RBFOX1: variants seen among roughly 807,000 people sequenced by gnomAD.
RBFOX1 encodes the protein RNA binding protein fox-1 homolog 1.
Under a neutral mutation model 57.7 loss-of-function variants are expected in RBFOX1, and 8 were observed. That is an observed-to-expected ratio of 0.14 (90% CI 0.08 to 0.25). RBFOX1 has a LOEUF of 0.25. Among genes scored for constraint, RBFOX1 ranks in the 10% least tolerant of loss-of-function variants. The pLI is 1.00. For synonymous variants in RBFOX1, 326 were observed against 222.4 expected (o/e 1.47, Z -4.15); for missense variants, 611 against 548.5 (o/e 1.11, Z -1.14).
intron 1 of RBFOX1, among the ~76,000 whole-genome samples, chr16:5,255,067 T>A (rs1458633515): frequency 6.6e-6 from 1 of 151,954 alleles, no homozygotes; most frequent in East Asian, 1.9e-4. Context: ...CAGATCAACA[T>A]CTTCTGTTAG....
intron 3 of RBFOX1, among the ~76,000 whole-genome samples, chr16:6,980,118 G>T (rs1031554117): frequency 7.9e-5 from 12 of 152,258 alleles, no homozygotes; most frequent in African/African-American, 2.9e-4. Flanking sequence ...AGCACAGGCT[G>T]GACGTATGTC....
At chr16:5,472,498 C>G (rs2069172810) in intron 2 of RBFOX1, among the ~76,000 whole-genome samples, 2 of 152,312 alleles carry the variant, frequency 1.3e-5, no homozygotes, top group Admixed American at 6.5e-5. Context: ...CTTGGTCAGA[C>G]TGACTGGGGA....
At chr16:7,623,383 T>C (rs2059599891) in intron 10 of RBFOX1, among the ~76,000 whole-genome samples, 1 of 152,200 alleles carries the variant, frequency 6.6e-6, no homozygotes, top group Non-Finnish European at 1.5e-5. Context: ...GTGGGAGCCC[T>C]GGGCTTCTTT....
intron 1 of RBFOX1, among the ~76,000 whole-genome samples, chr16:6,171,347 A>G (rs981626003): frequency 3.3e-5 from 5 of 152,210 alleles, no homozygotes; most frequent in African/African-American, 1.2e-4. Flanking sequence ...ATTGTTGAGC[A>G]TTTAGGTTGT....
At chr16:5,635,428 G>C (rs911010169) in intron 3 of RBFOX1, among the ~76,000 whole-genome samples, 5 of 152,220 alleles carry the variant, frequency 3.3e-5, no homozygotes, top group Non-Finnish European at 5.9e-5. Context: ...TCCTCATGGA[G>C]TTAAGCTGAA....
At chr16:6,750,016 G>A (rs943991233) in intron 3 of RBFOX1, among the ~76,000 whole-genome samples, 1 of 152,076 alleles carries the variant, frequency 6.6e-6, no homozygotes, top group South Asian at 2.1e-4. Context: ...AGCAGTCTTG[G>A]GTTGGAAAGT....
chr16:5,739,019 T>C (rs560972584), intron 3 of RBFOX1, among the ~76,000 whole-genome samples: 1 of 152,332 alleles, frequency 6.6e-6, no homozygotes, highest in South Asian at 2.1e-4. Flanking sequence ...CTTGCCTGAA[T>C]CTCAAGTTTA....
chr16:7,407,641 C>G (rs921431271), intron 4 of RBFOX1, among the ~76,000 whole-genome samples: 1 of 152,060 alleles, frequency 6.6e-6, no homozygotes, highest in Non-Finnish European at 1.5e-5. Context: ...ATTATAGCAA[C>G]CAAAATATGG....
chr16:6,997,534 T>G (rs2092370283), intron 3 of RBFOX1, among the ~76,000 whole-genome samples: 1 of 152,180 alleles, frequency 6.6e-6, no homozygotes. Flanking sequence ...CTTTCCAATT[T>G]CCCACAGAGT....
intron 5 of RBFOX1, among the ~76,000 whole-genome samples, chr16:7,570,562 G>A (rs1022416550): frequency 2.0e-5 from 3 of 152,214 alleles, no homozygotes; most frequent in African/African-American, 7.2e-5. Flanking sequence ...GCTAGGCTCA[G>A]AAGGATGTAC....
At chr16:6,086,026 A>C (rs1316369536) in intron 1 of RBFOX1, among the ~76,000 whole-genome samples, 2 of 151,482 alleles carry the variant, frequency 1.3e-5, no homozygotes, top group Non-Finnish European at 2.9e-5. Context: ...CCCTGTGTCC[A>C]TGTCTTCTCA....
chr16:6,544,402 C>T (rs930537076), intron 2 of RBFOX1, among the ~76,000 whole-genome samples: 5 of 152,184 alleles, frequency 3.3e-5, no homozygotes, highest in South Asian at 4.1e-4. Flanking sequence ...AACATTTCCA[C>T]CTAAATTAGT....
chr16:6,812,472 C>T (rs139335983), intron 3 of RBFOX1, among the ~76,000 whole-genome samples: 3 of 152,054 alleles, frequency 2.0e-5, no homozygotes, highest in African/African-American at 7.2e-5. Flanking sequence ...CTCTAGGGTT[C>T]AAGTGATTCT....
intron 2 of RBFOX1, among the ~76,000 whole-genome samples, chr16:6,601,073 A>G (rs1237676083): frequency 3.3e-5 from 5 of 152,228 alleles, no homozygotes; most frequent in Non-Finnish European, 7.3e-5. Context: ...GTGTCAGACC[A>G]GAAATTATAG....
At chr16:5,792,985 C>T (rs1383863439) in intron 3 of RBFOX1, among the ~76,000 whole-genome samples, 1 of 152,216 alleles carries the variant, frequency 6.6e-6, no homozygotes, top group Non-Finnish European at 1.5e-5. Context: ...CTTGCTGTCT[C>T]TGGAGTGGAG....
At chr16:6,831,621 T>C (rs939733280) in intron 3 of RBFOX1, among the ~76,000 whole-genome samples, 2 of 152,240 alleles carry the variant, frequency 1.3e-5, no homozygotes, top group Admixed American at 6.5e-5. Flanking sequence ...CTGTGGGAAG[T>C]GTCCTCAAAT....
chr16:6,881,142 A>G lies in RBFOX1; in HGVS notation c.-15-170915A>G, dbSNP rs192247832. Among the ~76,000 whole-genome samples, 8 of 152,274 alleles carry G rather than the reference A, an allele frequency of 5.3e-5. 1 individual carries two copies. Among genetic ancestry groups the G allele is most frequent in the African/African-American group, 1.9e-4 (8 of 41,560 alleles). On this transcript the variant is annotated intron_variant, in intron 3 of 15. Coordinates refer to ENST00000550418, the MANE Select transcript of RBFOX1 (RefSeq NM_018723.4). ...CAGTGAAGCGCTCCAGGCAGTGACT[A>G]TAGATGATCAGAGCTGGCACACAAA...
intron 2 of RBFOX1, among the ~76,000 whole-genome samples, chr16:5,518,355 T>TTTTTTGCAAAGTGACA (rs1038520899): frequency 1.6e-5 from 1 of 64,220 alleles, no homozygotes; most frequent in Admixed American, 1.7e-4. Context: ...CAAAGTGACA[T>TTTTTTGCAAAGTGACA]TTTTTTTGAC....
In RBFOX1 at chr16:6,097,596, C is replaced by T. The variant is rs1427974186; in HGVS notation, c.-127+77604C>T. Among the ~76,000 whole-genome samples the T allele has an allele frequency of 6.6e-6, 1 of 152,132 alleles. No individual in the cohort carries two copies. Among genetic ancestry groups the T allele is most frequent in the African/African-American group, 2.4e-5 (1 of 41,440 alleles). ...ACAGGGAGACCTCACTTTCATTATT[C>T]TCATTTCACAGATGAGAAAAATGAG... is the stretch of plus-strand genomic sequence containing the variant. On this transcript the variant is annotated intron_variant, in intron 1 of 15. Coordinates refer to ENST00000550418, the MANE Select transcript of RBFOX1 (RefSeq NM_018723.4). The surrounding 1 kb of genome is among the most constrained non-coding windows in gnomAD (Gnocchi z 5.0).
Sources: gnomAD v4.1 joint callset for allele counts (sites outside exome capture counted in the v4.1 genomes callset) on GRCh38, gnomAD v4.1.1 for gene constraint, Gnocchi (gnomAD v3.1) non-coding constraint, MANE v1.5 for transcripts, NCBI Gene and HGNC (gene_info 2026-07-23, HGNC 2026-07-21) for gene names.